The following BCAR3 variants were observed in gnomAD, a reference collection of about 807,000 sequenced individuals.
BCAR3 encodes breast cancer anti-estrogen resistance protein 3.
A neutral mutation model predicts 80.1 loss-of-function variants in BCAR3; 37 were observed. That is an observed-to-expected ratio of 0.46 (90% CI 0.36 to 0.61). The LOEUF is 0.61. Ranked by LOEUF, BCAR3 falls within the 20% of genes least tolerant of loss-of-function variation. The pLI is 0.00. For missense variants in BCAR3, 978 were observed against 1,068.2 expected, an observed-to-expected ratio of 0.92 and a Z score of 1.18; for synonymous variants, 389 against 418.9, an observed-to-expected ratio of 0.93 and a Z score of 0.87.
At chr1:93,740,613 T>A (rs188793822) in intron 2 of BCAR3, among the ~76,000 whole-genome samples, 2 of 152,210 alleles carry the variant, frequency 1.3e-5, no homozygotes, top group Admixed American at 6.5e-5. Context: ...AGTACTCCCC[T>A]CACCCCACAT....
chr1:93,620,187 C>T (rs913877870), intron 3 of BCAR3, among the ~76,000 whole-genome samples: 4 of 152,202 alleles, frequency 2.6e-5, no homozygotes, highest in Non-Finnish European at 5.9e-5. Context: ...ATGCCATGAG[C>T]CACTGACCAC....
At chr1:93,742,180 T>C (rs1651203067) in intron 2 of BCAR3, among the ~76,000 whole-genome samples, 1 of 152,164 alleles carries the variant, frequency 6.6e-6, no homozygotes, top group South Asian at 2.1e-4. Context: ...TGAAGACGTC[T>C]CTTTTGAAGA....
chr1:93,592,397 C>A lies in BCAR3; in HGVS notation c.358-4G>T. The A allele has an allele frequency of 6.3e-7, 1 of 1,592,858 alleles. No homozygotes were observed. Among genetic ancestry groups the A allele is most frequent in the Non-Finnish European group, 8.5e-7 (1 of 1,175,050 alleles). On this transcript the variant is annotated splice_region_variant and splice_polypyrimidine_tract_variant and intron_variant, in intron 3 of 11. Coordinates refer to ENST00000260502, the MANE Select transcript of BCAR3 (RefSeq NM_003567.4). The surrounding 1 kb of genome is among the most constrained non-coding windows in gnomAD (Gnocchi z 4.8). ...TGATGTGCCTCTCCTTGGAGAACTG[C>A]AACACAGAGTCAACCATGAGCTCAC...
At chr1:93,833,806 A>T (rs1194570687) in intron 2 of BCAR3, among the ~76,000 whole-genome samples, 1 of 152,190 alleles carries the variant, frequency 6.6e-6, no homozygotes, top group East Asian at 1.9e-4. Flanking sequence ...ATTTGTGCAG[A>T]TAACACAATC....
At chr1:93,839,042 C>A (rs1654867932) in intron 2 of BCAR3, among the ~76,000 whole-genome samples, 2 of 152,230 alleles carry the variant, frequency 1.3e-5, no homozygotes, top group Non-Finnish European at 2.9e-5. Flanking sequence ...GTGGCTCACG[C>A]CTGTAATCCC....
chr1:93,816,667 T>C (rs796515120), intron 2 of BCAR3, among the ~76,000 whole-genome samples: 1 of 57,900 alleles, frequency 1.7e-5, no homozygotes, highest in African/African-American at 1.1e-4. Flanking sequence ...CTAGACTCCA[T>C]CTCAAAAAAA....
At chr1:93,664,579 T>C (rs1647813293) in intron 2 of BCAR3, among the ~76,000 whole-genome samples, 1 of 152,194 alleles carries the variant, frequency 6.6e-6, no homozygotes, top group Non-Finnish European at 1.5e-5. Flanking sequence ...TATTACACTA[T>C]GGTGAGTCTA....
intron 2 of BCAR3, among the ~76,000 whole-genome samples, chr1:93,783,764 A>G (rs915324728): frequency 1.3e-5 from 2 of 152,172 alleles, no homozygotes; most frequent in Non-Finnish European, 1.5e-5. Flanking sequence ...CACTTCCCCA[A>G]AATGGCTGCA....
intron 2 of BCAR3, among the ~76,000 whole-genome samples, chr1:93,766,395 G>T (rs1045878082): frequency 6.6e-6 from 1 of 152,256 alleles, no homozygotes; most frequent in African/African-American, 2.4e-5. Context: ...CAGTCTTGGA[G>T]ATGGTGCTGA....
intron 2 of BCAR3, among the ~76,000 whole-genome samples, chr1:93,796,615 T>C (rs996733924): frequency 6.6e-6 from 1 of 152,050 alleles, no homozygotes; most frequent in Non-Finnish European, 1.5e-5. Flanking sequence ...TCACCTGTCT[T>C]CTGCGTCGCT....
chr1:93,817,789 T>C (rs1339633156), intron 2 of BCAR3, among the ~76,000 whole-genome samples: 2 of 152,002 alleles, frequency 1.3e-5, no homozygotes, highest in Non-Finnish European at 2.9e-5. Flanking sequence ...TAGCCCTGTT[T>C]ACCCCCCCAC....
intron 2 of BCAR3, among the ~76,000 whole-genome samples, chr1:93,802,165 C>A (rs1437064566): frequency 1.3e-5 from 2 of 151,546 alleles, no homozygotes; most frequent in African/African-American, 4.9e-5. Flanking sequence ...AAAAAATTAG[C>A]CAGGTGTGGT....
At chr1:93,820,533 G>A (rs1423299347) in intron 2 of BCAR3, among the ~76,000 whole-genome samples, 1 of 152,180 alleles carries the variant, frequency 6.6e-6, no homozygotes, top group East Asian at 1.9e-4. Flanking sequence ...AGTTTATTAT[G>A]GAGAATAAAA....
intron 3 of BCAR3, among the ~76,000 whole-genome samples, chr1:93,702,009 G>A (rs1172102621): frequency 6.6e-6 from 1 of 152,200 alleles, no homozygotes; most frequent in African/African-American, 2.4e-5. Flanking sequence ...TTGGGGTGGG[G>A]TTGGGGGTGG....
chr1:93,620,685 T>G (rs1675278915), intron 3 of BCAR3, among the ~76,000 whole-genome samples: 2 of 152,164 alleles, frequency 1.3e-5, no homozygotes, highest in African/African-American at 4.8e-5. Flanking sequence ...AATTCAGCCC[T>G]GGGAACAGAT....
intron 3 of BCAR3, among the ~76,000 whole-genome samples, chr1:93,703,192 AG>A (rs1295531130): frequency 6.6e-6 from 1 of 152,240 alleles, no homozygotes; most frequent in Non-Finnish European, 1.5e-5. Flanking sequence ...TCTCACTTGA[AG>A]ACATAAAAAA....
intron 2 of BCAR3, chr1:93,845,507 T>TATATCTCATG (rs1557708608): frequency 2.6e-5 from 3 of 116,442 alleles, no homozygotes; most frequent in Non-Finnish European, 3.7e-5. Context: ...TATATAAAAC[T>TATATCTCATG]TTGTTTACAT....
At chr1:93,718,490 G>T (rs1650267396) in intron 2 of BCAR3, among the ~76,000 whole-genome samples, 1 of 152,142 alleles carries the variant, frequency 6.6e-6, no homozygotes, top group African/African-American at 2.4e-5. Flanking sequence ...TACTGGCTCT[G>T]CCATATCCTA....
chr1:93,636,289 T>G (rs1240205914), intron 3 of BCAR3, among the ~76,000 whole-genome samples: 1 of 152,222 alleles, frequency 6.6e-6, no homozygotes, highest in Non-Finnish European at 1.5e-5. Context: ...TGTCCTTTCT[T>G]CTCCTAACCT....
Sources: gnomAD v4.1 joint callset for allele counts (sites outside exome capture counted in the v4.1 genomes callset) on GRCh38, gnomAD v4.1.1 for gene constraint, Gnocchi (gnomAD v3.1) non-coding constraint, MANE v1.5 for transcripts, NCBI Gene and HGNC (gene_info 2026-07-23, HGNC 2026-07-21) for gene names.